SLC9A3: variants seen among roughly 807,000 people sequenced by gnomAD.
The protein encoded by SLC9A3 is sodium/hydrogen exchanger 3.
SLC9A3 carries 37 observed loss-of-function variants against 86.8 expected under a neutral mutation model. The ratio of observed to expected loss-of-function variants is 0.43; its 90% CI spans 0.33 to 0.56. The LOEUF (loss-of-function observed/expected upper bound fraction) is 0.56, where lower values mean the gene tolerates loss of function less well. SLC9A3 is among the 20% of genes least tolerant of loss of function. The pLI is 0.06. For synonymous variants in SLC9A3, 581 were observed against 528.3 expected, an observed-to-expected ratio of 1.10 and a Z score of -1.37; for missense variants, 1,011 against 1,171.9, an observed-to-expected ratio of 0.86 and a Z score of 2.00.
At chr5:481,134 A>C (rs6555303) in intron 9 of SLC9A3, among the ~76,000 whole-genome samples, 130,043 of 152,244 alleles carry the variant, frequency 0.85, 55,916 homozygotes, top group Non-Finnish European at 0.88. Context: ...AAGTGAGCTG[A>C]CCACCTCAGT....
chr5:477,221 C>G (rs1169674632), intron 11 of SLC9A3, 111 bp downstream of exon 11: 3 of 712,100 alleles, frequency 4.2e-6, no homozygotes, highest in Non-Finnish European at 7.2e-6. Flanking sequence ...CTGCACCTCT[C>G]CCCTCTTCCA....
intron 1 of SLC9A3, among the ~76,000 whole-genome samples, chr5:499,145 A>T (rs1740156249): frequency 6.6e-6 from 1 of 152,208 alleles, no homozygotes; most frequent in African/African-American, 2.4e-5. Context: ...TCTGCTCCAC[A>T]CGGCTTTTCC....
chr5:482,248 G>A lies in SLC9A3; in HGVS notation c.1357-91C>T, dbSNP rs141077379. 5.2e-4 allele frequency: 510 copies of A among 985,508 alleles called. 2 individuals carry two copies. The highest frequency in any genetic ancestry group is 7.2e-4 in the Non-Finnish European group (458 of 640,476). 61.0% of individuals were successfully genotyped at this position (985,508 alleles called of 1,614,324 possible). Reference sequence around the variant, plus strand: ...TGCACCACACAGAGCCACCTGCCCCGGGGCCCACAGGCGCCCTCCCTGCTC... The same window carrying A: ...TGCACCACACAGAGCCACCTGCCCCAGGGCCCACAGGCGCCCTCCCTGCTC... On this transcript the variant is annotated intron_variant, in intron 7 of 16. Coordinates refer to ENST00000264938, the MANE Select transcript of SLC9A3 (RefSeq NM_004174.4).
At chr5:482,241 C>T in intron 7 of SLC9A3, 84 bp from the exon 8 acceptor site, 2 of 1,087,886 alleles carry the variant, frequency 1.8e-6, no homozygotes, top group African/African-American at 1.6e-5. Flanking sequence ...ACAGAGCCAC[C>T]TGCCCCGGGG....
chr5:514,483 C>T (rs936687340), intron 1 of SLC9A3, among the ~76,000 whole-genome samples: 3 of 152,198 alleles, frequency 2.0e-5, no homozygotes, highest in African/African-American at 7.2e-5. Context: ...TCTTGCCTGT[C>T]GGGGGCTTTG....
intron 14 of SLC9A3, 50 bp from the exon 15 acceptor site, chr5:475,721 T>C (rs1738682396): frequency 9.7e-7 from 1 of 1,028,244 alleles, no homozygotes; most frequent in Non-Finnish European, 1.5e-6. Context: ...GGGGCTGTCC[T>C]CACAGCCCAG....
chr5:473,278 G>A lies in SLC9A3; in HGVS notation c.*101C>T. On this transcript the variant is annotated 3_prime_UTR_variant, in exon 17 of 17. Transcript: ENST00000264938. ...GGGCTCGGGGCTCGCGGTCGCTGTA[G>A]CCGCGCGGGGATCTGGGGTTTCTCT... 1 of 1,237,534 alleles carries A rather than the reference G, an allele frequency of 8.1e-7. No individual in the cohort carries two copies. Among genetic ancestry groups the A allele is most frequent in the Non-Finnish European group, 1.0e-6 (1 of 971,446 alleles). 76.7% of individuals were successfully genotyped at this position (1,237,534 alleles called of 1,614,324 possible).
Position 473,198 on chromosome 5 carries a change from G to A in SLC9A3, c.*181C>T, listed in dbSNP as rs376449150. The A allele has an allele frequency of 2.4e-4, 145 of 615,338 alleles. 1 individual carries two copies. In the East Asian group the frequency reaches 4.3e-3, roughly 18 times the overall value. The allele number at this position is 615,338 out of a possible 1,614,324, so 38.1% of individuals were successfully genotyped here. A position where few individuals can be genotyped will look rare whatever the true frequency, so the allele number is the denominator to read the frequency against. ...CCGGCTCGCCCTCGGGCGGCTCTGC[G>A]GGCGCAGGCGCGGCACTCTCGGAGT... On this transcript the variant is annotated 3_prime_UTR_variant, in exon 17 of 17. Coordinates refer to ENST00000264938, the MANE Select transcript of SLC9A3 (RefSeq NM_004174.4).
At chr5:515,116 GC>G (rs1433649383) in intron 1 of SLC9A3, among the ~76,000 whole-genome samples, 2 of 151,958 alleles carry the variant, frequency 1.3e-5, no homozygotes, top group Non-Finnish European at 2.9e-5. Flanking sequence ...AGATTTCTCG[GC>G]CCCCCACTCC....
At chr5:509,617 A>G (rs1579819736) in intron 1 of SLC9A3, among the ~76,000 whole-genome samples, 1 of 152,166 alleles carries the variant, frequency 6.6e-6, no homozygotes, top group East Asian at 1.9e-4. Context: ...AGAACCGCGG[A>G]CAGGCATCAC....
Position 476,027 on chromosome 5 carries a change from C to T in SLC9A3, c.2133G>A (p.Lys711=). The change falls in exon 14 of 17, where the codon AAG becomes AAA. Residue 711 remains lysine, a synonymous_variant. Transcript: ENST00000264938. Reference sequence around the variant, plus strand: ...GCAGGGCCCCCAGCGCACCTTTCTCCTTGATGGTGAAATTCTGCGCAGGGC... The same window carrying T: ...GCAGGGCCCCCAGCGCACCTTTCTCTTTGATGGTGAAATTCTGCGCAGGGC... ...MESPAQNFTI[K]EKDLELSDTE... 1 of 1,612,222 alleles carries T rather than the reference C, an allele frequency of 6.2e-7. No homozygotes were observed. Among genetic ancestry groups the T allele is most frequent in the Non-Finnish European group, 8.5e-7 (1 of 1,179,424 alleles).
Position 473,019 on chromosome 5 carries a change from G to A in SLC9A3, c.*360C>T, listed in dbSNP as rs911946035. On this transcript the variant is annotated 3_prime_UTR_variant, in exon 17 of 17. Coordinates refer to ENST00000264938, the MANE Select transcript of SLC9A3 (RefSeq NM_004174.4). ...GTGCGGCGGTGCGTGGCACGAGGGC[G>A]GCAGCGACGCCAGCTTCAGCAGCGC... 6.7e-5 allele frequency: 29 copies of A among 432,276 alleles called. 1 individual carries two copies. The South Asian group carries it at 1.0e-3, about 15-fold the overall frequency. 26.8% of individuals were successfully genotyped at this position (432,276 alleles called of 1,614,324 possible).
intron 6 of SLC9A3, 104 bp downstream of exon 6, chr5:483,158 G>T: frequency 1.1e-6 from 1 of 897,522 alleles, no homozygotes; most frequent in Non-Finnish European, 1.7e-6. Context: ...GCCTTGCACG[G>T]GGCTGCACCT....
At chr5:514,387 C>A (rs12109836) in intron 1 of SLC9A3, among the ~76,000 whole-genome samples, 1 of 152,056 alleles carries the variant, frequency 6.6e-6, no homozygotes, top group Non-Finnish European at 1.5e-5. Flanking sequence ...TGTGCCCTCC[C>A]TCCTCACCTC....
intron 11 of SLC9A3, 104 bp from the exon 12 acceptor site, chr5:476,776 C>A: frequency 7.0e-7 from 1 of 1,420,770 alleles, no homozygotes; most frequent in South Asian, 1.3e-5. Context: ...CTGCCTCCTG[C>A]GTGCCCCTCG....
chr5:490,438 T>A (rs537816961), intron 2 of SLC9A3, among the ~76,000 whole-genome samples: 1 of 152,242 alleles, frequency 6.6e-6, no homozygotes, highest in African/African-American at 2.4e-5. Context: ...GCTCGGCCAG[T>A]TGCACCGAGG....
rs530117655 is a variant in SLC9A3, at chr5:488,331, G to A, written c.660C>T (p.Asn220=). 2.8e-5 allele frequency: 45 copies of A among 1,612,662 alleles called. No individual in the cohort carries two copies. The highest frequency in any genetic ancestry group is 7.7e-5 in the South Asian group (7 of 91,074). Residue 220 remains asparagine, a synonymous_variant, in exon 3 of 17, where the codon AAC becomes AAT. Transcript: ENST00000264938. ...CGTTGCTCACCACGGTGACTGCGTC[G>A]TTCAGCAGCGACTCCCCGAAGACGA... ...FIIVFGESLL[N]DAVTVVLYNV...
Position 482,176 on chromosome 5 carries a change from T to C in SLC9A3, c.1357-19A>G. 6.4e-7 allele frequency: 1 copy of C among 1,571,242 alleles called. No homozygotes were observed. The highest frequency in any genetic ancestry group is 8.7e-7 in the Non-Finnish European group (1 of 1,144,126). On this transcript the variant is annotated intron_variant, in intron 7 of 16. Transcript: ENST00000264938. The stretch of plus-strand genomic sequence containing the variant: ...TCAGGCCCTGGAGGACAGGGTCTCG[T>C]GACCCTGGTGCCAGGCAGCCCCCCA...
At chr5:489,737 C>T (rs375837862) in intron 2 of SLC9A3, among the ~76,000 whole-genome samples, 8 of 152,328 alleles carry the variant, frequency 5.3e-5, no homozygotes, top group Admixed American at 2.0e-4. Context: ...TCTTTAAACG[C>T]GGCCTCCTGG....
Sources: gnomAD v4.1 joint callset for allele counts (sites outside exome capture counted in the v4.1 genomes callset) on GRCh38, gnomAD v4.1.1 for gene constraint, MANE v1.5 for transcripts, NCBI Gene and HGNC (gene_info 2026-07-23, HGNC 2026-07-21) for gene names.